RABGEF1: variants seen among roughly 807,000 people sequenced by gnomAD.
RABGEF1 encodes the protein RAB guanine nucleotide exchange factor 1.
Under a neutral mutation model 57.3 loss-of-function variants are expected in RABGEF1, and 26 were observed. That is an observed-to-expected ratio of 0.45 (90% CI 0.33 to 0.63). The LOEUF (loss-of-function observed/expected upper bound fraction) is 0.63, where lower values mean the gene tolerates loss of function less well. Among genes scored for constraint, RABGEF1 ranks in the 20% least tolerant of loss-of-function variants. RABGEF1 has a pLI of 0.02. For synonymous variants in RABGEF1, 185 were observed against 210.7 expected (o/e 0.88, Z 1.06); for missense variants, 464 against 607.6 (o/e 0.76, Z 2.48).
rs1303022582 is a variant in RABGEF1 at position 66,725,203 on chromosome 7, CACTTT to C, written c.-815+12987_-815+12991del. On this transcript the variant is annotated intron_variant and NMD_transcript_variant, in intron 2 of 9. Coordinates refer to the RABGEF1 transcript ENST00000607882. ...ATCCTTTTACAGCTTTATCAAGATA[CACTTT>C]ACTTTACCATACAATTCACTAATTT... Among the ~76,000 whole-genome samples the C allele has an allele frequency of 2.6e-5, 4 of 152,158 alleles. No homozygotes were observed. The East Asian group carries it at 5.8e-4, about 22-fold the overall frequency.
At chr7:66,665,102 C>T in the RABGEF1 span, 2 of 152,182 alleles carry the variant, frequency 1.3e-5, no homozygotes, top group Non-Finnish European at 2.9e-5. Context: ...AGAGTCAGGC[C>T]CCTGGCTCTG....
At chr7:66,732,700 T>TCTCTCTCTCGCTCA (rs1192866461) in intron 2 of RABGEF1, among the ~76,000 whole-genome samples, 3 of 149,934 alleles carry the variant, frequency 2.0e-5, no homozygotes, top group African/African-American at 7.6e-5. Flanking sequence ...TCTTGTGCTC[T>TCTCTCTCTCGCTCA]CTCTCTCTCG....
chr7:66,677,776 AAAAAG>A (rs1464028224), upstream of RABGEF1, among the ~76,000 whole-genome samples: 206 of 151,580 alleles, frequency 1.4e-3, 3 homozygotes, highest in East Asian at 0.025. Flanking sequence ...AAAAAAAAAA[AAAAAG>A]AAATCTACAA....
chr7:66,767,903 A>G (rs969318175), intron 1 of RABGEF1, among the ~76,000 whole-genome samples: 1 of 152,232 alleles, frequency 6.6e-6, no homozygotes, highest in African/African-American at 2.4e-5. Context: ...TTCTATCAGC[A>G]TAAAGCCTTT....
intron 2 of RABGEF1, among the ~76,000 whole-genome samples, chr7:66,715,091 T>C (rs955934537): frequency 6.6e-6 from 1 of 151,392 alleles, no homozygotes; most frequent in African/African-American, 2.4e-5. Flanking sequence ...TTCTCCTCCT[T>C]CTCCTCTCCT....
At chr7:66,676,784 A>G in the RABGEF1 span, among the ~76,000 whole-genome samples, 4 of 152,218 alleles carry the variant, frequency 2.6e-5, no homozygotes, top group South Asian at 4.1e-4. Context: ...GGTTCTCACT[A>G]TGTTGCCCAG....
chr7:66,656,587 C>T, the RABGEF1 span, among the ~76,000 whole-genome samples: 3 of 151,820 alleles, frequency 2.0e-5, no homozygotes, highest in African/African-American at 7.3e-5. Flanking sequence ...TTTGGGAGGC[C>T]GAGGCGGTCG....
At chr7:66,704,451 A>G (rs1359216651) in intron 1 of RABGEF1, among the ~76,000 whole-genome samples, 1 of 152,096 alleles carries the variant, frequency 6.6e-6, no homozygotes, top group East Asian at 1.9e-4. Context: ...CTGCCTATCT[A>G]TTTTCCCAAG....
In RABGEF1 at chr7:66,810,455, TAAG is replaced by T. The variant is rs1285400721; in HGVS notation, c.*1174_*1176del. 1 of 152,216 alleles carries T rather than the reference TAAG, an allele frequency of 6.6e-6. No homozygotes were observed. Among genetic ancestry groups the T allele is most frequent in the Non-Finnish European group, 1.5e-5 (1 of 68,038 alleles). 9.4% of individuals were successfully genotyped at this position (152,216 alleles called of 1,614,324 possible). On this transcript the variant is annotated 3_prime_UTR_variant, in exon 9 of 9. Transcript: ENST00000284957. ...TCCTGGGGCCATATCACCCCTCCGTTAAGAACCACTGATGTCTTTTACAAACCA... is the reference window on the plus strand; with the variant it reads ...TCCTGGGGCCATATCACCCCTCCGTTAACCACTGATGTCTTTTACAAACCA...
chr7:66,783,373 T>C (rs1429893586), intron 3 of RABGEF1, among the ~76,000 whole-genome samples: 1 of 152,242 alleles, frequency 6.6e-6, no homozygotes, highest in African/African-American at 2.4e-5. Flanking sequence ...TCAGTGTTCA[T>C]GATTGAATAT....
intron 1 of RABGEF1, among the ~76,000 whole-genome samples, chr7:66,742,125 TG>T (rs1261073853): frequency 5.1e-4 from 77 of 151,288 alleles, no homozygotes; most frequent in African/African-American, 1.6e-3. Context: ...CACTCCAGCC[TG>T]GGCGACAGAG....
chr7:66,805,822 G>A (rs1272963330), intron 8 of RABGEF1, among the ~76,000 whole-genome samples: 1 of 152,002 alleles, frequency 6.6e-6, no homozygotes, highest in Admixed American at 6.6e-5. Flanking sequence ...ATAGCTCACT[G>A]CAGCCTTGAC....
At chr7:66,737,025 TATC>T (rs1377282094), upstream of RABGEF1, among the ~76,000 whole-genome samples, 8 of 150,296 alleles carry the variant, frequency 5.3e-5, no homozygotes, top group East Asian at 7.9e-4. Context: ...TGGGTGATAT[TATC>T]ATCATTATAT....
At chr7:66,743,836 T>C (rs1215495190) in intron 1 of RABGEF1, among the ~76,000 whole-genome samples, 1 of 151,966 alleles carries the variant, frequency 6.6e-6, no homozygotes, top group Non-Finnish European at 1.5e-5. Flanking sequence ...CTTGTATGTT[T>C]CCCAGGGTGC....
At chr7:66,693,758 A>G (rs539870246) in intron 1 of RABGEF1, among the ~76,000 whole-genome samples, 12 of 151,844 alleles carry the variant, frequency 7.9e-5, no homozygotes, top group African/African-American at 2.9e-4. Context: ...GGAATCATTC[A>G]TTCATTATTC....
intron 2 of RABGEF1, among the ~76,000 whole-genome samples, chr7:66,774,605 GC>G (rs1185340937): frequency 2.0e-5 from 3 of 152,120 alleles, no homozygotes; most frequent in Non-Finnish European, 4.4e-5. Context: ...ATCCTATTCA[GC>G]CTTATTAGTC....
chr7:66,737,018 GTGA>G (rs1798023900), upstream of RABGEF1, among the ~76,000 whole-genome samples: 2 of 151,006 alleles, frequency 1.3e-5, no homozygotes, highest in African/African-American at 4.9e-5. Context: ...CTTGATGTGG[GTGA>G]TATTATCATC....
intron 1 of RABGEF1, among the ~76,000 whole-genome samples, chr7:66,708,761 A>G (rs1337990875): frequency 6.6e-6 from 1 of 152,118 alleles, no homozygotes; most frequent in African/African-American, 2.4e-5. Context: ...GCAGTGAGGT[A>G]TGATTGTACC....
chr7:66,727,051 C>T (rs1383956946), intron 2 of RABGEF1, among the ~76,000 whole-genome samples: 2 of 152,098 alleles, frequency 1.3e-5, no homozygotes, highest in Admixed American at 1.3e-4. Context: ...AATGATTGCA[C>T]AACTCTGTGA....
Sources: gnomAD v4.1 joint callset for allele counts (sites outside exome capture counted in the v4.1 genomes callset) on GRCh38, gnomAD v4.1.1 for gene constraint, MANE v1.5 for transcripts, NCBI Gene and HGNC (gene_info 2026-07-23, HGNC 2026-07-21) for gene names.